The following HOXC4 variants were observed in gnomAD, a reference collection of about 807,000 sequenced individuals.
HOXC4 encodes homeobox C4.
In HOXC4, 15 loss-of-function variants were observed where a neutral mutation model predicts 25.5. The observed-to-expected ratio is 0.59, with a 90% CI of 0.39 to 0.91. The LOEUF (loss-of-function observed/expected upper bound fraction) is 0.91, where lower values mean the gene tolerates loss of function less well. Ranked by LOEUF, HOXC4 falls within the 40% of genes least tolerant of loss-of-function variation. The pLI, the probability that HOXC4 is intolerant of heterozygous loss-of-function variation, is 0.00. For synonymous variants in HOXC4, 165 were observed against 148.0 expected, an observed-to-expected ratio of 1.11 and a Z score of -0.83; for missense variants, 342 against 352.4, an observed-to-expected ratio of 0.97 and a Z score of 0.24.
intron 1 of HOXC4, among the ~76,000 whole-genome samples, chr12:54,019,647 C>G (rs1940340027): frequency 6.6e-6 from 1 of 152,024 alleles, no homozygotes; most frequent in Non-Finnish European, 1.5e-5. Flanking sequence ...AGTGGAGATT[C>G]ACCTAGAATA....
intron 1 of HOXC4, chr12:54,032,911 G>A (rs188734583): frequency 2.5e-4 from 121 of 487,126 alleles, no homozygotes; most frequent in Admixed American, 5.5e-4. Context: ...CTAACCTCCC[G>A]GAGGTCATCA....
chr12:54,033,487 A>C, intron 1 of HOXC4: 1 of 1,592,874 alleles, frequency 6.3e-7, no homozygotes, highest in Non-Finnish European at 8.5e-7. Flanking sequence ...AAAGAGGAGC[A>C]GGCGCAGACA....
intron 1 of HOXC4, 60 bp downstream of exon 1, chr12:54,054,421 C>A (rs1465636843): frequency 8.3e-7 from 1 of 1,203,856 alleles, no homozygotes; most frequent in Non-Finnish European, 1.1e-6. Flanking sequence ...GCTCCCCACC[C>A]TCCTCGGCCC....
intron 1 of HOXC4, chr12:54,020,915 A>C (rs1342121670): frequency 1.3e-5 from 2 of 152,242 alleles, no homozygotes; most frequent in Non-Finnish European, 2.9e-5. Flanking sequence ...AAACTCTCCC[A>C]ACTTAGAAAT....
chr12:54,026,926 T>C (rs1309407523), intron 1 of HOXC4, among the ~76,000 whole-genome samples: 1 of 150,358 alleles, frequency 6.7e-6, no homozygotes, highest in Non-Finnish European at 1.5e-5. Flanking sequence ...GTTCTTGTTA[T>C]AGCCAGCTTT....
chr12:54,046,614 G>A (rs1937712282), intron 1 of HOXC4, among the ~76,000 whole-genome samples: 2 of 152,060 alleles, frequency 1.3e-5, no homozygotes, highest in South Asian at 2.1e-4. Flanking sequence ...AACACAACGT[G>A]GTAGAATAAG....
At position 54,044,855 on chromosome 12, in the gene HOXC4, C is replaced by A. The variant is rs946202273; in HGVS notation, c.-123-8305C>A. ...TTCCCCTCCTAAGGATCCCCCACCCCCTGGCTGGCAAGTCCCTCCCTTGTG... is the reference window on the plus strand; with the variant it reads ...TTCCCCTCCTAAGGATCCCCCACCCACTGGCTGGCAAGTCCCTCCCTTGTG... On this transcript the variant is annotated intron_variant, in intron 1 of 3. Coordinates refer to the HOXC4 transcript ENST00000303406. Among the ~76,000 whole-genome samples, 8 of 152,278 alleles carry A rather than the reference C, an allele frequency of 5.3e-5. No individual in the cohort carries two copies. In the East Asian group the frequency reaches 5.8e-4, roughly 11 times the overall value.
chr12:54,034,508 C>T (rs750605861), intron 1 of HOXC4: 2 of 1,603,378 alleles, frequency 1.2e-6, no homozygotes, highest in Non-Finnish European at 1.7e-6. Flanking sequence ...GCGGGGGAGG[C>T]CCGCAGAGCG....
At chr12:54,033,968 G>C (rs1376541768) in intron 1 of HOXC4, 1 of 547,530 alleles carries the variant, frequency 1.8e-6, no homozygotes. Context: ...GGGCGGGAGG[G>C]GGGTCCCCGG....
At chr12:54,043,836 C>G (rs1027763177) in intron 1 of HOXC4, among the ~76,000 whole-genome samples, 1 of 151,996 alleles carries the variant, frequency 6.6e-6, no homozygotes, top group Admixed American at 6.6e-5. Flanking sequence ...CTCCTCAGGG[C>G]TCCCTTGCTC....
intron 1 of HOXC4, chr12:54,029,692 G>A (rs1398433769): frequency 6.2e-7 from 1 of 1,614,060 alleles, no homozygotes. Flanking sequence ...GCGGCCGCCA[G>A]ATCTACTCGC....
intron 1 of HOXC4, among the ~76,000 whole-genome samples, chr12:54,045,654 G>T (rs1937684805): frequency 6.6e-6 from 1 of 152,182 alleles, no homozygotes; most frequent in Admixed American, 6.5e-5. Context: ...TAGGGGCATA[G>T]ATCTCCCTTC....
chr12:54,044,725 T>TTGTGTG (rs58933808), intron 1 of HOXC4, among the ~76,000 whole-genome samples: 37,552 of 146,926 alleles, frequency 0.26, 4,969 homozygotes, highest in East Asian at 0.42. Flanking sequence ...GTGTGTGTGT[T>TTGTGTG]TGTGTGTGTG....
intron 1 of HOXC4, among the ~76,000 whole-genome samples, chr12:54,018,101 C>T (rs959318746): frequency 6.6e-6 from 1 of 152,064 alleles, no homozygotes; most frequent in Non-Finnish European, 1.5e-5. Flanking sequence ...CTCCCGCCCC[C>T]ACTCGGGCGG....
At chr12:54,034,294 G>T in intron 1 of HOXC4, 1 of 1,613,852 alleles carries the variant, frequency 6.2e-7, no homozygotes, top group Non-Finnish European at 8.5e-7. Context: ...ACGGCAAGCG[G>T]TCCCGAACCA....
chr12:54,054,428 G>C, intron 1 of HOXC4, 67 bp downstream of exon 1: 1 of 979,978 alleles, frequency 1.0e-6, no homozygotes, highest in Non-Finnish European at 1.5e-6. Flanking sequence ...ACCCTCCTCG[G>C]CCCCCTCTGG....
chr12:54,046,424 T>C (rs1322364280), intron 1 of HOXC4, among the ~76,000 whole-genome samples: 1 of 152,044 alleles, frequency 6.6e-6, no homozygotes, highest in East Asian at 1.9e-4. Flanking sequence ...GGGGGACAAG[T>C]ATTGGGGTGT....
At position 54,027,815 on chromosome 12, in the gene HOXC4, T is replaced by G. The variant is rs182215420; in HGVS notation, c.-124+10401T>G. 1.0e-3 allele frequency among the ~76,000 whole-genome samples: 154 copies of G among 152,308 alleles called. 1 individual carries two copies. The highest frequency in any genetic ancestry group is 3.6e-3 in the African/African-American group (149 of 41,548). The stretch of plus-strand genomic sequence containing the variant: ...AGTCTTGCCCCTTTAGACCTAGTTG[T>G]TCCCCACATCCCTACTACATTCAAG... On this transcript the variant is annotated intron_variant, in intron 1 of 3. Transcript: ENST00000303406.
At chr12:54,049,888 T>C (rs1451894317), upstream of HOXC4, among the ~76,000 whole-genome samples, 2 of 152,010 alleles carry the variant, frequency 1.3e-5, no homozygotes, top group Admixed American at 1.3e-4. Flanking sequence ...AATTGCCTGA[T>C]TGCATACCAT....
Sources: allele counts gnomAD v4.1 joint callset (sites outside exome capture counted in the v4.1 genomes callset), GRCh38; gene constraint gnomAD v4.1.1; transcripts MANE v1.5; gene names NCBI Gene and HGNC (gene_info 2026-07-23, HGNC 2026-07-21).